FSTL4: variants seen among roughly 807,000 people sequenced by gnomAD.
The protein encoded by FSTL4 is follistatin-related protein 4.
FSTL4 carries 28 observed loss-of-function variants against 78.2 expected under a neutral mutation model. The ratio of observed to expected loss-of-function variants is 0.36; its 90% CI spans 0.27 to 0.49. The LOEUF is 0.49. Ranked by LOEUF, FSTL4 falls within the 20% of genes least tolerant of loss-of-function variation. The pLI is 0.98. For synonymous variants in FSTL4, 422 were observed against 440.5 expected (o/e 0.96, Z 0.53); for missense variants, 922 against 1,084.9 (o/e 0.85, Z 2.11).
At chr5:133,667,285 C>A in the FSTL4 span, among the ~76,000 whole-genome samples, 2 of 152,300 alleles carry the variant, frequency 1.3e-5, no homozygotes, top group African/African-American at 4.8e-5. Flanking sequence ...ATCACTTCCA[C>A]CATTATTACC....
chr5:133,252,753 T>C (rs557283873), intron 6 of FSTL4, among the ~76,000 whole-genome samples: 10 of 152,238 alleles, frequency 6.6e-5, no homozygotes, highest in African/African-American at 1.9e-4. Flanking sequence ...CAAAGTCATA[T>C]ATTCCAAGCG....
the FSTL4 span, among the ~76,000 whole-genome samples, chr5:133,660,942 G>A: frequency 1.3e-4 from 20 of 152,286 alleles, no homozygotes; most frequent in African/African-American, 3.6e-4. Context: ...AGAGGAGCTC[G>A]TGAGCTCTAG....
intron 3 of FSTL4, among the ~76,000 whole-genome samples, chr5:133,401,783 A>T (rs575997360): frequency 8.6e-5 from 13 of 151,870 alleles, no homozygotes; most frequent in African/African-American, 3.1e-4. Context: ...TTGAGCCAAG[A>T]CTCCCCCAGC....
At chr5:133,779,662 C>A in the FSTL4 span, among the ~76,000 whole-genome samples, 13 of 152,194 alleles carry the variant, frequency 8.5e-5, no homozygotes, top group Non-Finnish European at 1.9e-4. Context: ...CTTCCAATCA[C>A]TCCCCACTGC....
At chr5:133,463,977 T>A (rs1757649551) in intron 3 of FSTL4, among the ~76,000 whole-genome samples, 1 of 152,242 alleles carries the variant, frequency 6.6e-6, no homozygotes, top group Non-Finnish European at 1.5e-5. Context: ...TATTCTTCCA[T>A]GTCAGTATCG....
chr5:133,671,683 A>T, the FSTL4 span, among the ~76,000 whole-genome samples: 1 of 152,220 alleles, frequency 6.6e-6, no homozygotes, highest in African/African-American at 2.4e-5. Context: ...GGGACCTCAC[A>T]TTCTATATTT....
the FSTL4 span, among the ~76,000 whole-genome samples, chr5:133,711,220 A>G: frequency 2.0e-3 from 306 of 152,322 alleles, 2 homozygotes; most frequent in African/African-American, 7.0e-3. Context: ...CTTGAAGACC[A>G]ACCAGTTTCT....
chr5:133,528,137 GT>G (rs1759174030), intron 3 of FSTL4, among the ~76,000 whole-genome samples: 1 of 152,144 alleles, frequency 6.6e-6, no homozygotes, highest in Non-Finnish European at 1.5e-5. Flanking sequence ...CCCTCTTGCT[GT>G]TTCCGTAACA....
intron 3 of FSTL4, among the ~76,000 whole-genome samples, chr5:133,491,322 G>A (rs2112868297): frequency 6.6e-6 from 1 of 151,550 alleles, no homozygotes. Flanking sequence ...TGTTTCTTTT[G>A]TCACTGTGCA....
At chr5:133,282,556 G>T (rs1191523548) in intron 6 of FSTL4, among the ~76,000 whole-genome samples, 1 of 152,194 alleles carries the variant, frequency 6.6e-6, no homozygotes, top group Admixed American at 6.5e-5. Flanking sequence ...TCTTCTTGGG[G>T]GTGAGCTGGA....
At chr5:133,756,964 A>G in the FSTL4 span, among the ~76,000 whole-genome samples, 28 of 152,106 alleles carry the variant, frequency 1.8e-4, no homozygotes, top group African/African-American at 6.5e-4. Context: ...CAATGGTCTC[A>G]TGTGAAGCCC....
At chr5:133,501,917 C>T (rs1423725657) in intron 3 of FSTL4, among the ~76,000 whole-genome samples, 1 of 152,112 alleles carries the variant, frequency 6.6e-6, no homozygotes, top group Non-Finnish European at 1.5e-5. Flanking sequence ...AGTTTGGACA[C>T]AGACACCACA....
At chr5:133,306,392 G>A (rs1159740400) in intron 6 of FSTL4, among the ~76,000 whole-genome samples, 2 of 152,238 alleles carry the variant, frequency 1.3e-5, no homozygotes, top group African/African-American at 4.8e-5. Flanking sequence ...ACTCTGAGGA[G>A]GGTTGAATGG....
intron 3 of FSTL4, among the ~76,000 whole-genome samples, chr5:133,449,885 T>C (rs25872): frequency 0.28 from 42,696 of 152,164 alleles, 7,103 homozygotes; most frequent in Admixed American, 0.37. Context: ...AAGGAATCTA[T>C]AGAATTGATC....
At chr5:133,409,125 A>G (rs1301438988) in intron 3 of FSTL4, among the ~76,000 whole-genome samples, 1 of 152,192 alleles carries the variant, frequency 6.6e-6, no homozygotes, top group Non-Finnish European at 1.5e-5. Flanking sequence ...CTGGACCCTT[A>G]TAAACTCCGC....
the FSTL4 span, among the ~76,000 whole-genome samples, chr5:133,773,676 T>A: frequency 6.6e-6 from 1 of 152,214 alleles, no homozygotes; most frequent in African/African-American, 2.4e-5. Context: ...AGTTCCTGCG[T>A]GCTTCATCTT....
intron 2 of FSTL4, among the ~76,000 whole-genome samples, chr5:133,601,600 C>A (rs569942855): frequency 6.6e-6 from 1 of 152,168 alleles, no homozygotes; most frequent in East Asian, 1.9e-4. Context: ...AGAGTGTGAG[C>A]AAGGGCTGCA....
the FSTL4 span, among the ~76,000 whole-genome samples, chr5:133,621,601 GA>G: frequency 6.3e-4 from 96 of 152,178 alleles, 1 homozygote; most frequent in African/African-American, 2.0e-3. Context: ...GGACTTGGGG[GA>G]AAGAGTTGGG....
chr5:133,654,714 A>G, the FSTL4 span, among the ~76,000 whole-genome samples: 1 of 152,172 alleles, frequency 6.6e-6, no homozygotes, highest in Non-Finnish European at 1.5e-5. Context: ...TGGGGATACC[A>G]GGCAAGGGTG....
Sources: allele counts gnomAD v4.1 joint callset (sites outside exome capture counted in the v4.1 genomes callset), GRCh38; gene constraint gnomAD v4.1.1; transcripts MANE v1.5; gene names NCBI Gene and HGNC (gene_info 2026-07-23, HGNC 2026-07-21).